The following AOC2 variants were observed in gnomAD, a reference collection of about 807,000 sequenced individuals.
AOC2 encodes the protein amine oxidase copper containing 2.
Under a neutral mutation model 53.8 loss-of-function variants are expected in AOC2, and 57 were observed. The observed-to-expected ratio is 1.06, with a 90% CI of 0.86 to 1.32. AOC2 has a LOEUF of 1.32. Ranked by LOEUF, AOC2 falls within the 40% of genes most tolerant of loss-of-function variation. AOC2 has a pLI of 0.00. For synonymous variants in AOC2, 404 were observed against 399.0 expected (o/e 1.01, Z -0.15); for missense variants, 1,008 against 957.2 (o/e 1.05, Z -0.70).
chr17:42,850,288 C>T lies in AOC2; in HGVS notation c.2211C>T (p.Cys737=), dbSNP rs1567687738. Residue 737 remains cysteine (C), a synonymous_variant, in exon 4 of 4, where the codon TGC becomes TGT. Transcript: ENST00000253799. The part of the protein sequence containing the change: ...AGLCSINPVA[C]LPDLAACVPD... The stretch of plus-strand genomic sequence containing the variant: ...TCTGCAGCATCAATCCTGTGGCCTG[C>T]CTCCCCGACCTGGCAGCCTGTGTCC... The T allele has an allele frequency of 6.2e-7, 1 of 1,613,608 alleles. No homozygotes were observed. Among genetic ancestry groups the T allele is most frequent in the Non-Finnish European group, 8.5e-7 (1 of 1,179,520 alleles).
Position 42,845,735 on chromosome 17 carries a change from C to A in AOC2, c.1109C>A (p.Ser370Ter). The A allele has an allele frequency of 6.2e-7, 1 of 1,614,190 alleles. No homozygotes were observed. Among genetic ancestry groups the A allele is most frequent in the Non-Finnish European group, 8.5e-7 (1 of 1,180,036 alleles). ...QECVSIYGADSPKTMLTRYLD... is the reference protein window; with the variant it reads ...QECVSIYGAD Reference sequence around the variant, plus strand: ...TGTGTATCTATCTATGGTGCCGATTCACCCAAGACGATGCTGACTCGCTAT... The same window carrying A: ...TGTGTATCTATCTATGGTGCCGATTAACCCAAGACGATGCTGACTCGCTAT... The change falls in exon 1 of 4, where the codon TCA (serine) becomes TAA (stop). Residue 370 changes from serine (S) to a stop codon, truncating the protein, a stop_gained. Transcript: ENST00000253799. LOFTEE classifies it high-confidence loss of function.
In AOC2 at chr17:42,845,862, C is replaced by G; in HGVS notation, c.1236C>G (p.Gly412=). ...TGGTGGACATCCATATATTAGTGGG[C>G]AAAGGGGCAGTCCAGCTGCTTCCAG... is the stretch of plus-strand genomic sequence containing the variant. ...ATMVDIHILV[G]KGAVQLLPGA... The change falls in exon 1 of 4, where the codon GGC becomes GGG. Residue 412 remains glycine (G), a synonymous_variant. Coordinates refer to ENST00000253799, the MANE Select transcript of AOC2 (RefSeq NM_009590.4). 3 of 1,614,098 alleles carry G rather than the reference C, an allele frequency of 1.9e-6. No individual in the cohort carries two copies. Among genetic ancestry groups the G allele is most frequent in the Non-Finnish European group, 2.5e-6 (3 of 1,180,004 alleles).
At chr17:42,849,939 T>C in intron 3 of AOC2, 143 bp from the exon 4 acceptor site, 1 of 1,303,818 alleles carries the variant, frequency 7.7e-7, no homozygotes, top group Non-Finnish European at 1.1e-6. Context: ...CACAGCTGCT[T>C]ACATGGATTG....
intron 3 of AOC2, 70 bp downstream of exon 3, chr17:42,849,800 C>A: frequency 6.2e-7 from 1 of 1,604,728 alleles, no homozygotes; most frequent in South Asian, 1.1e-5. Flanking sequence ...AGCCTCTGGC[C>A]AAAGGTTAGA....
At chr17:42,848,298 T>C (rs182281044) in intron 1 of AOC2, among the ~76,000 whole-genome samples, 1 of 151,660 alleles carries the variant, frequency 6.6e-6, no homozygotes, top group Non-Finnish European at 1.5e-5. Flanking sequence ...TGCTTTTCTG[T>C]TTATTGGGCA....
rs140452679 is a variant in AOC2, at chr17:42,850,314, C to G, written c.2237C>G (p.Pro746Arg). 1 of 1,608,894 alleles carries G rather than the reference C, an allele frequency of 6.2e-7. No homozygotes were observed. Among genetic ancestry groups the G allele is most frequent in the South Asian group, 1.1e-5 (1 of 90,966 alleles). Residue 746 changes from proline (P) to arginine (R), a missense_variant, in exon 4 of 4, where the codon CCG becomes CGG. By Grantham distance (103) the Pro-to-Arg change is moderately radical. Coordinates refer to ENST00000253799, the MANE Select transcript of AOC2 (RefSeq NM_009590.4). ...ACLPDLAACV[P>R]DLPPFSYHGF ...CTCCCCGACCTGGCAGCCTGTGTCC[C>G]GGACTTACCCCCTTTCTCTTACCAC... is the stretch of plus-strand genomic sequence containing the variant.
chr17:42,845,467 G>C lies in AOC2; in HGVS notation c.841G>C (p.Glu281Gln), dbSNP rs2055588606. 1 of 1,614,146 alleles carries C rather than the reference G, an allele frequency of 6.2e-7. No homozygotes were observed. The highest frequency in any genetic ancestry group is 1.7e-5 in the Admixed American group (1 of 60,018). Residue 281 changes from glutamate (E) to glutamine (Q), a missense_variant, in exon 1 of 4, where the codon GAA becomes CAA. Glu to Gln is a conservative substitution (Grantham distance 29, BLOSUM62 2). Transcript: ENST00000253799. ...ACGGGAGTTTAAGTCTGGCCGGTTG[G>C]AAGTGGTTAGAGTCCCTCTACCTCC... ...LEREFKSGRL[E>Q]VVRVPLPPPN... is the part of the protein sequence containing the mutation.
rs752679649 is a variant in AOC2 at position 42,845,521 on chromosome 17, CG to C, written c.897del (p.Asn300ThrfsTer42). ...PPNGASSLRSRNSPGPLPPLQ... is the reference protein window; with the variant it reads ...PPNGASSLRSXNSPGPLPPLQ... Reference sequence around the variant, plus strand: ...AAATGGAGCTTCATCCCTGAGGTCTCGGAACTCTCCAGGTCCTCTTCCCCCT... The same window carrying C: ...AAATGGAGCTTCATCCCTGAGGTCTCGAACTCTCCAGGTCCTCTTCCCCCT... On this transcript the variant is annotated frameshift_variant, in exon 1 of 4. Coordinates refer to ENST00000253799, the MANE Select transcript of AOC2 (RefSeq NM_009590.4). LOFTEE classifies it high-confidence loss of function. 1.2e-5 allele frequency: 20 copies of C among 1,614,052 alleles called. No homozygotes were observed. The highest frequency in any genetic ancestry group is 1.6e-5 in the Non-Finnish European group (19 of 1,180,040).
chr17:42,845,530 C>A lies in AOC2; in HGVS notation c.904C>A (p.Pro302Thr). The change falls in exon 1 of 4, where the codon CCA becomes ACA. Residue 302 changes from proline (P) to threonine (T), a missense_variant. Transcript: ENST00000253799. ...TTCATCCCTGAGGTCTCGGAACTCTCCAGGTCCTCTTCCCCCTCTTCAGTT... is the reference window on the plus strand; with the variant it reads ...TTCATCCCTGAGGTCTCGGAACTCTACAGGTCCTCTTCCCCCTCTTCAGTT... Reference protein sequence around the residue: ...GASSLRSRNSPGPLPPLQFSP... With the variant: ...GASSLRSRNSTGPLPPLQFSP... 6.2e-7 allele frequency: 1 copy of A among 1,614,164 alleles called. No homozygotes were observed. The highest frequency in any genetic ancestry group is 8.5e-7 in the Non-Finnish European group (1 of 1,180,032).
Position 42,845,891 on chromosome 17 carries a change from CTGTG to C in AOC2, c.1271_1274del (p.Cys424TyrfsTer70), listed in dbSNP as rs750297090. ...GGGGCAGTCCAGCTGCTTCCAGGGGCTGTGTGTGTATTTGAGGAAGCCCAGGGAC... is the reference window on the plus strand; with the variant it reads ...GGGGCAGTCCAGCTGCTTCCAGGGGCTGTGTATTTGAGGAAGCCCAGGGAC... On this transcript the variant is annotated frameshift_variant, in exon 1 of 4. Coordinates refer to ENST00000253799, the MANE Select transcript of AOC2 (RefSeq NM_009590.4). LOFTEE classifies it high-confidence loss of function. The C allele has an allele frequency of 2.2e-5, 36 of 1,614,014 alleles. No individual in the cohort carries two copies. The highest frequency in any genetic ancestry group is 3.0e-5 in the Non-Finnish European group (35 of 1,180,030).
At chr17:42,849,965 G>T in intron 3 of AOC2, 117 bp from the exon 4 acceptor site, 1 of 1,419,694 alleles carries the variant, frequency 7.0e-7, no homozygotes. Flanking sequence ...CGTGTTGTAT[G>T]GGCATGAGGC....
rs906351592 is a variant in AOC2 at position 42,845,119 on chromosome 17, C to T, written c.493C>T (p.Arg165Cys). ...RHGGPLPYHR[R>C]PVLRAEFTQM... ...CGGCGGGCCCCTGCCCTATCACCGT[C>T]GCCCGGTGCTGAGAGCTGAGTTTAC... Residue 165 changes from arginine to cysteine, a missense_variant, in exon 1 of 4, where the codon CGC becomes TGC. By Grantham distance (180) the Arg-to-Cys change is radical. Transcript: ENST00000253799. The T allele has an allele frequency of 6.2e-6, 10 of 1,613,574 alleles. No individual in the cohort carries two copies. The highest frequency in any genetic ancestry group is 5.0e-5 in the Admixed American group (3 of 60,006).
rs778644073 is a variant in AOC2, at chr17:42,844,854, GC to G, written c.230del (p.Pro77GlnfsTer58). The G allele has an allele frequency of 6.2e-7, 1 of 1,612,374 alleles. No homozygotes were observed. Among genetic ancestry groups the G allele is most frequent in the Admixed American group, 1.7e-5 (1 of 59,980 alleles). On this transcript the variant is annotated frameshift_variant, in exon 1 of 4. Transcript: ENST00000253799. LOFTEE classifies it high-confidence loss of function. ...TGCGCTTTCTGACCCAGCGGCTGGG[GC>G]CAGGGCTGGTGGACGCAGCCCAGGC... ...VMRFLTQRLG[P>X]GLVDAAQAQP...
intron 1 of AOC2, among the ~76,000 whole-genome samples, chr17:42,847,778 C>T (rs980427397): frequency 6.6e-6 from 1 of 151,302 alleles, no homozygotes; most frequent in South Asian, 2.1e-4. Context: ...ACTACCACGC[C>T]CAGCTTTTTT....
rs778361657 is a variant in AOC2 at position 42,849,719 on chromosome 17, C to G, written c.1993C>G (p.Leu665Val). Residue 665 changes from leucine (L) to valine (V), a missense_variant, in exon 3 of 4, where the codon CTC becomes GTC. Coordinates refer to ENST00000253799, the MANE Select transcript of AOC2 (RefSeq NM_009590.4). ...TGCTGACTTCATCAACAATGAAACC[C>G]TCTTAGGAGAGGTTGGTTGCCCTAG... ...TFADFINNET[L>V]LGEDLVAWVT... 9 of 1,614,236 alleles carry G rather than the reference C, an allele frequency of 5.6e-6. No individual in the cohort carries two copies. In the South Asian group the frequency reaches 9.9e-5, roughly 18 times the overall value.
chr17:42,850,147 A>C lies in AOC2; in HGVS notation c.2070A>C (p.Thr690=). The change falls in exon 4 of 4, where the codon ACA becomes ACC. Residue 690 remains threonine (T), a synonymous_variant. Coordinates refer to ENST00000253799, the MANE Select transcript of AOC2 (RefSeq NM_009590.4). ...CCCATGCCGAGGACATCCCAAACAC[A>C]GTGACTCTGGGGAACAGAGTTGGCT... ...HIPHAEDIPN[T]VTLGNRVGFL... is the part of the protein sequence containing the mutation. The C allele has an allele frequency of 6.2e-7, 1 of 1,613,604 alleles. No homozygotes were observed. The highest frequency in any genetic ancestry group is 1.7e-5 in the Admixed American group (1 of 60,028).
rs376319894 is a variant in AOC2, at chr17:42,845,703, C to G, written c.1077C>G (p.Val359=). 2 of 1,614,162 alleles carry G rather than the reference C, an allele frequency of 1.2e-6. No homozygotes were observed. The highest frequency in any genetic ancestry group is 1.7e-6 in the Non-Finnish European group (2 of 1,180,016). The change falls in exon 1 of 4, where the codon GTC becomes GTG. Residue 359 remains valine, a synonymous_variant. Transcript: ENST00000253799. ...AGCGAATAGCCTATGAAGTCAGTGT[C>G]CAGGAGTGTGTATCTATCTATGGTG... The part of the protein sequence containing the change: ...QGERIAYEVS[V]QECVSIYGAD...
At position 42,849,235 on chromosome 17, in the gene AOC2, C is replaced by T. The variant is rs768525345; in HGVS notation, c.1738C>T (p.Pro580Ser). 1.9e-6 allele frequency: 3 copies of T among 1,614,212 alleles called. No individual in the cohort carries two copies. In the South Asian group the frequency reaches 3.3e-5, roughly 18 times the overall value. Reference protein sequence around the residue: ...LTAFSLGSPLPRYLYLASNQT... With the variant: ...LTAFSLGSPLSRYLYLASNQT... ...AGCTTTTTCCTTGGGAAGCCCCCTA[C>T]CCCGCTACCTCTACCTGGCTAGCAA... Residue 580 changes from proline (P) to serine (S), a missense_variant, in exon 2 of 4, where the codon CCC becomes TCC. Physicochemically the swap from Pro to Ser is moderately conservative, Grantham distance 74. Coordinates refer to ENST00000253799, the MANE Select transcript of AOC2 (RefSeq NM_009590.4).
chr17:42,844,988 T>G lies in AOC2; in HGVS notation c.362T>G (p.Leu121Arg). The change falls in exon 1 of 4, where the codon CTG becomes CGG. Residue 121 changes from leucine (L) to arginine (R), a missense_variant. Physicochemically the swap from Leu to Arg is moderately radical, Grantham distance 102. Transcript: ENST00000253799. Reference sequence around the variant, plus strand: ...AGCCCCCCACCTGCCCGGGAGGCACTGGCCATCGTCCTCTTTGGTGGACAA... The same window carrying G: ...AGCCCCCCACCTGCCCGGGAGGCACGGGCCATCGTCCTCTTTGGTGGACAA... The part of the protein sequence containing the change: ...RGSPPPAREA[L>R]AIVLFGGQPQ... 1.2e-6 allele frequency: 2 copies of G among 1,611,746 alleles called. No individual in the cohort carries two copies. Among genetic ancestry groups the G allele is most frequent in the Non-Finnish European group, 1.7e-6 (2 of 1,178,444 alleles).
Sources: allele counts gnomAD v4.1 joint callset (sites outside exome capture counted in the v4.1 genomes callset), GRCh38; gene constraint gnomAD v4.1.1; transcripts MANE v1.5; gene names NCBI Gene and HGNC (gene_info 2026-07-23, HGNC 2026-07-21).